The following CDH13 variants were observed in gnomAD, a reference collection of about 807,000 sequenced individuals.
CDH13 encodes cadherin 13.
In CDH13, 24 loss-of-function variants were observed where a neutral mutation model predicts 63.8. The ratio of observed to expected loss-of-function variants is 0.38; its 90% CI spans 0.27 to 0.53. The LOEUF (loss-of-function observed/expected upper bound fraction) is 0.53, where lower values mean the gene tolerates loss of function less well. Among genes scored for constraint, CDH13 ranks in the 20% least tolerant of loss-of-function variants. The pLI is 0.85. For synonymous variants in CDH13, 503 were observed against 355.3 expected (o/e 1.42, Z -4.67); for missense variants, 1,049 against 903.1 (o/e 1.16, Z -2.07).
At chr16:82,748,619 GA>G (rs1383734405) in intron 1 of CDH13, among the ~76,000 whole-genome samples, 1 of 152,096 alleles carries the variant, frequency 6.6e-6, no homozygotes, top group South Asian at 2.1e-4. Flanking sequence ...AAATCAAAGA[GA>G]AAACTCTAAA....
At chr16:83,602,003 G>C (rs776890239) in intron 7 of CDH13, among the ~76,000 whole-genome samples, 29 of 145,934 alleles carry the variant, frequency 2.0e-4, no homozygotes, top group Non-Finnish European at 4.2e-4. Context: ...TGAGGCAGGA[G>C]AATCGCTGGA....
chr16:83,677,626 G>C (rs945676315), intron 9 of CDH13, among the ~76,000 whole-genome samples: 10 of 152,288 alleles, frequency 6.6e-5, no homozygotes, highest in Middle Eastern at 3.4e-3. Flanking sequence ...GGGACATAGA[G>C]ACCCTTTAAC....
At chr16:82,773,137 T>TA (rs1301669085) in intron 1 of CDH13, among the ~76,000 whole-genome samples, 1 of 152,184 alleles carries the variant, frequency 6.6e-6, no homozygotes. Context: ...AAACAAATGA[T>TA]ACAGAGGCTG....
chr16:83,412,279 C>T (rs972472195), intron 6 of CDH13, among the ~76,000 whole-genome samples: 6 of 152,036 alleles, frequency 3.9e-5, no homozygotes, highest in Admixed American at 2.6e-4. Context: ...TTGGCCAACA[C>T]GGTGAAACCC....
chr16:83,465,153 G>T (rs754781581), intron 6 of CDH13, among the ~76,000 whole-genome samples: 7 of 152,190 alleles, frequency 4.6e-5, no homozygotes, highest in Non-Finnish European at 1.0e-4. Flanking sequence ...CTAAACAAAT[G>T]AATTTGTAAT....
intron 2 of CDH13, among the ~76,000 whole-genome samples, chr16:82,920,247 C>T (rs1339650283): frequency 6.6e-6 from 1 of 152,194 alleles, no homozygotes; most frequent in Non-Finnish European, 1.5e-5. Flanking sequence ...TGCGTCACCC[C>T]TTCCCAAACC....
chr16:83,138,173 T>G lies in CDH13; in HGVS notation c.483+12672T>G, dbSNP rs374008928. Among the ~76,000 whole-genome samples the G allele has an allele frequency of 3.9e-5, 6 of 152,218 alleles. No individual in the cohort carries two copies. In the East Asian group the frequency reaches 5.8e-4, roughly 15 times the overall value. On this transcript the variant is annotated intron_variant, in intron 4 of 13. Coordinates refer to ENST00000567109, the MANE Select transcript of CDH13 (RefSeq NM_001257.5). ...ACAAGTGATGAAGAAAGAGAGTCAG[T>G]TGATGCCTCTTGAGCAGGCATACAC...
intron 5 of CDH13, among the ~76,000 whole-genome samples, chr16:83,313,517 G>A (rs150220674): frequency 6.6e-6 from 1 of 152,074 alleles, no homozygotes; most frequent in Non-Finnish European, 1.5e-5. Context: ...CAGCCAAATA[G>A]AGTGTGTCTG....
intron 5 of CDH13, among the ~76,000 whole-genome samples, chr16:83,320,661 A>G (rs1460403581): frequency 6.6e-6 from 1 of 152,226 alleles, no homozygotes; most frequent in Admixed American, 6.5e-5. Context: ...TGTTCAGATC[A>G]TCAGTGCTGC....
chr16:83,316,501 C>T (rs910615998), intron 5 of CDH13, among the ~76,000 whole-genome samples: 1 of 152,106 alleles, frequency 6.6e-6, no homozygotes, highest in African/African-American at 2.4e-5. Flanking sequence ...ATGCTGGCTC[C>T]TAAAGCAGAA....
At chr16:83,732,925 G>T (rs771084743) in intron 10 of CDH13, among the ~76,000 whole-genome samples, 19 of 152,316 alleles carry the variant, frequency 1.2e-4, no homozygotes, top group Non-Finnish European at 2.2e-4. Flanking sequence ...ACCAAGGCCT[G>T]TATGGCCAGA....
At chr16:82,939,894 G>C (rs1002013192) in intron 2 of CDH13, among the ~76,000 whole-genome samples, 1 of 152,072 alleles carries the variant, frequency 6.6e-6, no homozygotes, top group Non-Finnish European at 1.5e-5. Context: ...ACATGCCCTC[G>C]ACTGGGTAAT....
At chr16:83,197,659 G>A (rs2038913078) in intron 4 of CDH13, among the ~76,000 whole-genome samples, 2 of 152,156 alleles carry the variant, frequency 1.3e-5, no homozygotes, top group Admixed American at 1.3e-4. Flanking sequence ...GTTGTGAAAT[G>A]ACAACACGAA....
At chr16:83,098,412 G>A (rs72798321) in intron 3 of CDH13, among the ~76,000 whole-genome samples, 8,364 of 152,012 alleles carry the variant, frequency 0.055, 288 homozygotes, top group Non-Finnish European at 0.072. Flanking sequence ...ATAGAAAAAG[G>A]CATATTTTTC....
chr16:83,419,772 T>C (rs2071660856), intron 6 of CDH13, among the ~76,000 whole-genome samples: 1 of 152,230 alleles, frequency 6.6e-6, no homozygotes, highest in African/African-American at 2.4e-5. Context: ...TATTATAAAA[T>C]GCATTTTTCT....
chr16:82,829,448 T>G (rs1248908388), intron 1 of CDH13: 1 of 152,136 alleles, frequency 6.6e-6, no homozygotes, highest in Non-Finnish European at 1.5e-5. Context: ...TGCATTTACT[T>G]TTATCCCATT....
chr16:82,889,398 A>T (rs924786859), intron 2 of CDH13, among the ~76,000 whole-genome samples: 1 of 152,152 alleles, frequency 6.6e-6, no homozygotes, highest in African/African-American at 2.4e-5. Context: ...CTTGCTTCAC[A>T]AATGACTTAA....
intron 3 of CDH13, among the ~76,000 whole-genome samples, chr16:83,059,160 A>T (rs1475589980): frequency 6.6e-6 from 1 of 152,184 alleles, no homozygotes; most frequent in African/African-American, 2.4e-5. Context: ...GCTTCTGTAC[A>T]CAGGGGCTTC....
intron 10 of CDH13, among the ~76,000 whole-genome samples, chr16:83,684,135 G>C: frequency 6.6e-6 from 1 of 152,200 alleles, no homozygotes; most frequent in East Asian, 1.9e-4. Flanking sequence ...GGGATGCTGA[G>C]GCAGGTGGAT....
Sources: gnomAD v4.1 joint callset for allele counts (sites outside exome capture counted in the v4.1 genomes callset) on GRCh38, gnomAD v4.1.1 for gene constraint, MANE v1.5 for transcripts, NCBI Gene and HGNC (gene_info 2026-07-23, HGNC 2026-07-21) for gene names.